NEO1: variants seen among roughly 807,000 people sequenced by gnomAD.
NEO1 encodes the protein neogenin 1, also known as neogenin.
NEO1 carries 63 observed loss-of-function variants against 159.7 expected under a neutral mutation model. The ratio of observed to expected loss-of-function variants is 0.39; its 90% CI spans 0.32 to 0.49. NEO1 has a LOEUF of 0.49. Among genes scored for constraint, NEO1 ranks in the 20% least tolerant of loss-of-function variants. NEO1 has a pLI of 0.85. For synonymous variants in NEO1, 633 were observed against 662.0 expected (o/e 0.96, Z 0.67); for missense variants, 1,615 against 1,831.0 (o/e 0.88, Z 2.15).
At chr15:73,266,998 C>T (rs1269834647) in intron 16 of NEO1, among the ~76,000 whole-genome samples, 3 of 152,172 alleles carry the variant, frequency 2.0e-5, no homozygotes, top group Non-Finnish European at 4.4e-5. Flanking sequence ...GTGGTTCATG[C>T]CTGTAATCCC....
At chr15:73,273,580 T>C (rs1009407870) in intron 19 of NEO1, among the ~76,000 whole-genome samples, 1 of 152,338 alleles carries the variant, frequency 6.6e-6, no homozygotes, top group East Asian at 1.9e-4. Flanking sequence ...GACAGTTCAC[T>C]GTGGCTCTGC....
intron 4 of NEO1, among the ~76,000 whole-genome samples, chr15:73,129,745 G>A (rs2030840458): frequency 6.6e-6 from 1 of 152,110 alleles, no homozygotes; most frequent in Non-Finnish European, 1.5e-5. Context: ...CAAGGGAACA[G>A]GTTAAAATGC....
rs760526840 is a variant in NEO1 at position 73,236,393 on chromosome 15, G to A, written c.1338G>A (p.Val446=). 5 of 1,613,958 alleles carry A rather than the reference G, an allele frequency of 3.1e-6. No individual in the cohort carries two copies. The African/African-American group carries it at 5.3e-5, about 17-fold the overall frequency. Residue 446 remains valine (V), a synonymous_variant, in exon 8 of 29, where the codon GTG becomes GTA. Transcript: ENST00000261908. ...TGCCTTCAGCTCCTCGGGATGTCGT[G>A]GCCTCCCTGGTCTCTACCCGCTTCA... ...GPLPSAPRDV[V]ASLVSTRFIK...
intron 1 of NEO1, among the ~76,000 whole-genome samples, chr15:73,055,023 A>G (rs553021038): frequency 3.1e-4 from 47 of 152,310 alleles, no homozygotes; most frequent in African/African-American, 1.1e-3. Flanking sequence ...GGATAAATGG[A>G]AAGTGTTTTT....
At chr15:73,253,474 C>A (rs1209874197) in intron 12 of NEO1, 25 bp downstream of exon 12, 1 of 1,552,306 alleles carries the variant, frequency 6.4e-7, no homozygotes, top group South Asian at 1.2e-5. Context: ...TGCTGCTGTT[C>A]ATTTTTACTG....
At chr15:73,280,348 T>C (rs1020263641) in intron 22 of NEO1, among the ~76,000 whole-genome samples, 2 of 152,164 alleles carry the variant, frequency 1.3e-5, no homozygotes, top group Non-Finnish European at 2.9e-5. Context: ...GGCATATATA[T>C]TGTCCCTGGT....
rs1328197348 is a variant in NEO1, at chr15:73,265,603, ACTG to A, written c.2399-710_2399-708del. Among the ~76,000 whole-genome samples the A allele has an allele frequency of 3.3e-5, 5 of 152,318 alleles. No homozygotes were observed. The East Asian group carries it at 7.7e-4, about 24-fold the overall frequency. ...CCTTTTCCCAATCTCAGTGAATGACACTGCTATCTACTGTGTTGCCCAAAGCAC... is the reference window on the plus strand; with the variant it reads ...CCTTTTCCCAATCTCAGTGAATGACACTATCTACTGTGTTGCCCAAAGCAC... On this transcript the variant is annotated intron_variant, in intron 15 of 28. Transcript: ENST00000261908.
chr15:73,266,814 A>G (rs892682868), intron 16 of NEO1, among the ~76,000 whole-genome samples: 4 of 152,228 alleles, frequency 2.6e-5, no homozygotes, highest in African/African-American at 4.8e-5. Flanking sequence ...TCATTTGGTT[A>G]CTAGCCACCT....
At chr15:73,139,450 A>G (rs1567292786) in intron 5 of NEO1, among the ~76,000 whole-genome samples, 1 of 152,222 alleles carries the variant, frequency 6.6e-6, no homozygotes, top group African/African-American at 2.4e-5. Context: ...AATGATAACA[A>G]GAGCAAAAAT....
At chr15:73,085,844 AT>A (rs1217949488) in intron 1 of NEO1, among the ~76,000 whole-genome samples, 1 of 152,006 alleles carries the variant, frequency 6.6e-6, no homozygotes, top group East Asian at 1.9e-4. Context: ...TTCTTTATAT[AT>A]TTTTTATACA....
At chr15:73,138,519 G>A (rs1190733766) in intron 5 of NEO1, among the ~76,000 whole-genome samples, 3 of 152,056 alleles carry the variant, frequency 2.0e-5, no homozygotes, top group Non-Finnish European at 4.4e-5. Context: ...CACTTTGGGA[G>A]GCCGAGGCGG....
At chr15:73,149,810 A>G (rs1198999746) in intron 5 of NEO1, among the ~76,000 whole-genome samples, 1 of 152,228 alleles carries the variant, frequency 6.6e-6, no homozygotes, top group African/African-American at 2.4e-5. Flanking sequence ...GATAAAAATC[A>G]GGATATTTGG....
At chr15:73,284,574 TCTTC>T (rs1402269645) in intron 23 of NEO1, among the ~76,000 whole-genome samples, 1 of 150,740 alleles carries the variant, frequency 6.6e-6, no homozygotes, top group Non-Finnish European at 1.5e-5. Context: ...CTCTTATAGC[TCTTC>T]CTTTTTTTTT....
At chr15:73,122,071 A>G (rs879354267) in intron 2 of NEO1, among the ~76,000 whole-genome samples, 9,300 of 44,918 alleles carry the variant, frequency 0.21, 505 homozygotes, top group African/African-American at 0.3. Flanking sequence ...GTGTATATAT[A>G]TATATATATA....
chr15:73,235,159 A>G (rs1341679559), intron 7 of NEO1, among the ~76,000 whole-genome samples: 1 of 152,128 alleles, frequency 6.6e-6, no homozygotes, highest in Non-Finnish European at 1.5e-5. Flanking sequence ...ACTGCATCAC[A>G]TTACACTCTC....
chr15:73,292,804 C>T (rs963930355), intron 25 of NEO1, among the ~76,000 whole-genome samples: 6 of 152,186 alleles, frequency 3.9e-5, no homozygotes, highest in African/African-American at 1.4e-4. Flanking sequence ...AGTTCAATTC[C>T]ATTTGCATTT....
At chr15:73,272,603 C>T in intron 19 of NEO1, 41 bp downstream of exon 19, 1 of 1,356,828 alleles carries the variant, frequency 7.4e-7, no homozygotes, top group Non-Finnish European at 1.1e-6. Context: ...TGCGCTCTTC[C>T]TGCCTGACAG....
chr15:73,217,599 A>G (rs1166781594), intron 7 of NEO1, among the ~76,000 whole-genome samples: 4 of 152,130 alleles, frequency 2.6e-5, no homozygotes, highest in Non-Finnish European at 4.4e-5. Context: ...ATCCTCTTCT[A>G]TTTCATTGAG....
intron 9 of NEO1, among the ~76,000 whole-genome samples, chr15:73,248,688 T>C (rs2039924160): frequency 6.6e-6 from 1 of 152,204 alleles, no homozygotes; most frequent in Admixed American, 6.5e-5. Context: ...TGTCTGACTT[T>C]CCTGCTAGAC....
Sources: allele counts gnomAD v4.1 joint callset (sites outside exome capture counted in the v4.1 genomes callset), GRCh38; gene constraint gnomAD v4.1.1; transcripts MANE v1.5; gene names NCBI Gene and HGNC (gene_info 2026-07-23, HGNC 2026-07-21).